ADGRL3: variants seen among roughly 807,000 people sequenced by gnomAD.
ADGRL3 encodes adhesion G protein-coupled receptor L3.
Under a neutral mutation model 153.5 loss-of-function variants are expected in ADGRL3, and 62 were observed. The observed-to-expected ratio is 0.40, with a 90% CI of 0.33 to 0.50. ADGRL3 has a LOEUF of 0.50. ADGRL3 is among the 20% of genes least tolerant of loss of function. ADGRL3 has a pLI of 0.47. For synonymous variants in ADGRL3, 710 were observed against 672.5 expected, an observed-to-expected ratio of 1.06 and a Z score of -0.86; for missense variants, 1,641 against 1,859.4, an observed-to-expected ratio of 0.88 and a Z score of 2.16.
At chr4:61,895,650 C>T in intron 10 of ADGRL3, 81 bp from the exon 11 acceptor site, 1 of 695,066 alleles carries the variant, frequency 1.4e-6, no homozygotes, top group Non-Finnish European at 2.4e-6. Flanking sequence ...CTCATTTTTA[C>T]CTTTGCTTAT....
intron 8 of ADGRL3, among the ~76,000 whole-genome samples, chr4:61,804,993 T>G (rs2097538911): frequency 1.3e-5 from 2 of 151,202 alleles, no homozygotes; most frequent in African/African-American, 4.9e-5. Context: ...TCTCATTCTG[T>G]CGCCCAGGCT....
intron 19 of ADGRL3, among the ~76,000 whole-genome samples, chr4:61,987,879 G>A (rs953547209): frequency 6.6e-6 from 1 of 151,530 alleles, no homozygotes; most frequent in Non-Finnish European, 1.5e-5. Flanking sequence ...TCCTATTAAT[G>A]TATTTGTTTA....
intron 4 of ADGRL3, among the ~76,000 whole-genome samples, chr4:61,536,028 T>C (rs1258923465): frequency 1.3e-5 from 2 of 152,082 alleles, no homozygotes; most frequent in African/African-American, 4.8e-5. Context: ...TGTAGGCAAT[T>C]AGCACTATAA....
At chr4:61,895,198 T>C (rs1441873365) in intron 10 of ADGRL3, among the ~76,000 whole-genome samples, 1 of 152,170 alleles carries the variant, frequency 6.6e-6, no homozygotes, top group Non-Finnish European at 1.5e-5. Flanking sequence ...CTGGACACGG[T>C]GGCTCACGCC....
At chr4:61,432,587 TTTCTTTCTTTCTTTCTTTCTTTC>T (rs2097372651) in intron 2 of ADGRL3, among the ~76,000 whole-genome samples, 1 of 5,492 alleles carries the variant, frequency 1.8e-4, no homozygotes, top group Non-Finnish European at 5.5e-4. Flanking sequence ...TCTTTCTTTC[TTTCTTTCTTTCTTTCTTTCTTTC>T]TTTCTTTCTT....
At chr4:61,285,201 A>G (rs2150054263) in intron 1 of ADGRL3, among the ~76,000 whole-genome samples, 1 of 151,998 alleles carries the variant, frequency 6.6e-6, no homozygotes, top group East Asian at 1.9e-4. Flanking sequence ...TTACAGTAAA[A>G]GTTTTTACCA....
Position 61,370,908 on chromosome 4 carries a change from G to A in ADGRL3, c.-239-12216G>A, listed in dbSNP as rs369482153. Among the ~76,000 whole-genome samples, 720 of 150,824 alleles carry A rather than the reference G, an allele frequency of 4.8e-3. 10 individuals are homozygous for A. Among genetic ancestry groups the A allele is most frequent in the African/African-American group, 0.017 (693 of 41,274 alleles). ...CTCAGGACTTGCTTTATGAATCTGG[G>A]TGCTCCTGTATTGGGTGCATATATA... On this transcript the variant is annotated intron_variant, in intron 1 of 26. Coordinates refer to ENST00000683033, the MANE Select transcript of ADGRL3 (RefSeq NM_001387552.1).
intron 5 of ADGRL3, among the ~76,000 whole-genome samples, chr4:61,608,741 T>A (rs1322182056): frequency 1.3e-5 from 2 of 152,320 alleles, no homozygotes; most frequent in South Asian, 2.1e-4. Flanking sequence ...TTACTATAAC[T>A]TTTATTTATC....
Position 62,051,520 on chromosome 4 carries a change from T to A in ADGRL3, c.3814+6971T>A, listed in dbSNP as rs1235121626. Among the ~76,000 whole-genome samples, 3 of 151,476 alleles carry A rather than the reference T, an allele frequency of 2.0e-5. No homozygotes were observed. The East Asian group carries it at 5.8e-4, about 29-fold the overall frequency. ...GGATCTGAAAAAGAAAAAAAAAATC[T>A]TCTTATTGCTTACTCAGCACGTCCT... On this transcript the variant is annotated intron_variant, in intron 25 of 26. Transcript: ENST00000683033.
At chr4:61,716,599 G>A (rs1410287558) in intron 6 of ADGRL3, among the ~76,000 whole-genome samples, 1 of 152,132 alleles carries the variant, frequency 6.6e-6, no homozygotes, top group Non-Finnish European at 1.5e-5. Flanking sequence ...AAAACAGAAA[G>A]AGGGCACTGT....
chr4:62,001,769 C>CT lies in ADGRL3; in HGVS notation c.3395+3512dup, dbSNP rs998745196. The stretch of plus-strand genomic sequence containing the variant: ...ATATAAGTATCATTTATCTGGAAAA[C>CT]TTTTTTTTAGTATATTGGGGAAAGC... On this transcript the variant is annotated intron_variant, in intron 21 of 26. Transcript: ENST00000683033. Among the ~76,000 whole-genome samples the CT allele has an allele frequency of 3.3e-5, 5 of 151,884 alleles. 1 individual carries two copies. In the South Asian group the frequency reaches 1.0e-3, roughly 32 times the overall value.
chr4:61,573,430 T>C (rs762474871), intron 4 of ADGRL3, among the ~76,000 whole-genome samples: 29 of 151,970 alleles, frequency 1.9e-4, no homozygotes, highest in African/African-American at 2.7e-4. Context: ...ATTTCATAAA[T>C]GCTAAATAGA....
intron 1 of ADGRL3, among the ~76,000 whole-genome samples, chr4:61,376,402 T>A (rs1280091303): frequency 6.6e-6 from 1 of 151,960 alleles, no homozygotes; most frequent in Non-Finnish European, 1.5e-5. Flanking sequence ...GTTTTTTTTT[T>A]AATACTGATA....
At chr4:61,908,684 T>A (rs1467033866) in intron 11 of ADGRL3, among the ~76,000 whole-genome samples, 2 of 152,154 alleles carry the variant, frequency 1.3e-5, no homozygotes, top group Non-Finnish European at 2.9e-5. Context: ...TTTTACTTTG[T>A]ACACTTTTTA....
intron 2 of ADGRL3, among the ~76,000 whole-genome samples, chr4:61,436,071 C>A (rs758925898): frequency 4.5e-4 from 69 of 152,060 alleles, no homozygotes; most frequent in Non-Finnish European, 8.1e-4. Flanking sequence ...TCCATGTTTA[C>A]AAAACCATTT....
At chr4:61,255,418 T>C (rs2091869532) in intron 1 of ADGRL3, among the ~76,000 whole-genome samples, 1 of 152,186 alleles carries the variant, frequency 6.6e-6, no homozygotes. Flanking sequence ...GAGAAGACTG[T>C]CATGAGTGAA....
intron 25 of ADGRL3, among the ~76,000 whole-genome samples, chr4:62,054,158 A>G (rs543978637): frequency 1.3e-5 from 2 of 151,614 alleles, no homozygotes; most frequent in Non-Finnish European, 1.5e-5. Context: ...GTTTACTGCT[A>G]TTTTGCCTGT....
At chr4:61,561,881 C>T (rs943611625) in intron 4 of ADGRL3, among the ~76,000 whole-genome samples, 3 of 152,060 alleles carry the variant, frequency 2.0e-5, no homozygotes, top group South Asian at 4.1e-4. Flanking sequence ...CTTAAGCAAT[C>T]GTACCACCTC....
chr4:61,780,041 C>T (rs922495554), intron 8 of ADGRL3, among the ~76,000 whole-genome samples: 3 of 152,148 alleles, frequency 2.0e-5, no homozygotes, highest in Non-Finnish European at 4.4e-5. Flanking sequence ...GACTTCCTAA[C>T]ATTTAATTGA....
Sources: gnomAD v4.1 joint callset for allele counts (sites outside exome capture counted in the v4.1 genomes callset) on GRCh38, gnomAD v4.1.1 for gene constraint, MANE v1.5 for transcripts, NCBI Gene and HGNC (gene_info 2026-07-23, HGNC 2026-07-21) for gene names.